CSMD3: variants seen among roughly 807,000 people sequenced by gnomAD.
CSMD3 encodes the protein CUB and Sushi multiple domains 3, also known as CUB and sushi domain-containing protein 3.
A neutral mutation model predicts 435.2 loss-of-function variants in CSMD3; 177 were observed. That is an observed-to-expected ratio of 0.41 (90% CI 0.36 to 0.46). The LOEUF (loss-of-function observed/expected upper bound fraction) is 0.46, where lower values mean the gene tolerates loss of function less well. Among genes scored for constraint, CSMD3 ranks in the 20% least tolerant of loss-of-function variants. The pLI, the probability that CSMD3 is intolerant of heterozygous loss-of-function variation, is 0.34. For missense variants in CSMD3, 4,265 were observed against 4,504.6 expected, an observed-to-expected ratio of 0.95 and a Z score of 1.52; for synonymous variants, 1,656 against 1,520.5, an observed-to-expected ratio of 1.09 and a Z score of -2.07.
intron 5 of CSMD3, among the ~76,000 whole-genome samples, chr8:113,032,461 T>C (rs956501054): frequency 6.6e-6 from 1 of 151,600 alleles, no homozygotes; most frequent in African/African-American, 2.4e-5. Context: ...TAGAGATTTA[T>C]GGAACTTTGA....
chr8:112,227,024 T>C (rs1024168308), intron 70 of CSMD3, among the ~76,000 whole-genome samples: 1 of 152,202 alleles, frequency 6.6e-6, no homozygotes, highest in African/African-American at 2.4e-5. Flanking sequence ...GGTTACTCAG[T>C]AAATTAAACA....
At chr8:112,609,516 A>C (rs1194762631) in intron 22 of CSMD3, among the ~76,000 whole-genome samples, 3 of 152,240 alleles carry the variant, frequency 2.0e-5, no homozygotes, top group Admixed American at 6.5e-5. Flanking sequence ...AAAAGATAAA[A>C]AATGTTGGCA....
intron 2 of CSMD3, among the ~76,000 whole-genome samples, chr8:113,302,496 G>T (rs960154971): frequency 6.6e-6 from 1 of 150,848 alleles, no homozygotes; most frequent in Admixed American, 6.7e-5. Context: ...TGAATTTGAA[G>T]AGTTAATCTA....
At chr8:112,663,853 A>G (rs1017833375) in intron 17 of CSMD3, among the ~76,000 whole-genome samples, 1 of 152,200 alleles carries the variant, frequency 6.6e-6, no homozygotes, top group Non-Finnish European at 1.5e-5. Context: ...AGTAATGTTG[A>G]GAGAGTGCAG....
chr8:112,693,420 G>A (rs746977280), intron 13 of CSMD3, among the ~76,000 whole-genome samples: 16 of 151,642 alleles, frequency 1.1e-4, no homozygotes, highest in Admixed American at 5.3e-4. Context: ...AATAATAGGG[G>A]GTAAGGTATA....
chr8:112,520,772 A>G (rs1280067053), intron 27 of CSMD3, among the ~76,000 whole-genome samples: 2 of 151,964 alleles, frequency 1.3e-5, no homozygotes, highest in East Asian at 3.9e-4. Context: ...TAAAGTAACT[A>G]CAATATGAAG....
intron 12 of CSMD3, among the ~76,000 whole-genome samples, chr8:112,813,040 G>T (rs1350758499): frequency 2.0e-5 from 3 of 152,120 alleles, no homozygotes; most frequent in Non-Finnish European, 4.4e-5. Flanking sequence ...CTTGTCACAC[G>T]ACCAGGAAAG....
At chr8:112,414,255 C>T (rs994105458) in intron 32 of CSMD3, among the ~76,000 whole-genome samples, 1 of 152,038 alleles carries the variant, frequency 6.6e-6, no homozygotes, top group Non-Finnish European at 1.5e-5. Context: ...AATTGTAATC[C>T]CAATAATCCC....
At chr8:113,435,088 T>C (rs1224166909) in intron 1 of CSMD3, among the ~76,000 whole-genome samples, 3 of 152,096 alleles carry the variant, frequency 2.0e-5, no homozygotes, top group African/African-American at 7.2e-5. Flanking sequence ...GCAGGCGAAC[T>C]AAGCATAAAT....
At chr8:113,382,261 T>C (rs909318315) in intron 1 of CSMD3, among the ~76,000 whole-genome samples, 1 of 152,188 alleles carries the variant, frequency 6.6e-6, no homozygotes, top group Non-Finnish European at 1.5e-5. Flanking sequence ...TTTCACAGCA[T>C]CCTCATTAGC....
intron 27 of CSMD3, among the ~76,000 whole-genome samples, chr8:112,535,046 T>C (rs1825925331): frequency 1.3e-5 from 2 of 152,308 alleles, no homozygotes; most frequent in South Asian, 4.2e-4. Flanking sequence ...TAATAAGAGC[T>C]GTCTATGACA....
chr8:113,425,009 T>C (rs936482540), intron 1 of CSMD3, among the ~76,000 whole-genome samples: 1 of 151,548 alleles, frequency 6.6e-6, no homozygotes, highest in Non-Finnish European at 1.5e-5. Flanking sequence ...GATGATGACT[T>C]CCTGTAGGAT....
At chr8:112,316,173 T>C (rs1211753433) in intron 47 of CSMD3, among the ~76,000 whole-genome samples, 1 of 151,792 alleles carries the variant, frequency 6.6e-6, no homozygotes, top group African/African-American at 2.4e-5. Flanking sequence ...GACTATATAA[T>C]AGAGTTTAAA....
intron 10 of CSMD3, among the ~76,000 whole-genome samples, chr8:112,885,258 C>A (rs532802139): frequency 0.01 from 1,575 of 151,562 alleles, 35 homozygotes; most frequent in African/African-American, 0.036. Flanking sequence ...TGCCAAGTAG[C>A]AGAATGACAG....
intron 38 of CSMD3, among the ~76,000 whole-genome samples, chr8:112,367,407 C>A (rs1165736470): frequency 1.3e-5 from 2 of 152,088 alleles, no homozygotes; most frequent in African/African-American, 4.8e-5. Context: ...ACAAAAAAGT[C>A]TAGGGAGTTG....
intron 38 of CSMD3, among the ~76,000 whole-genome samples, chr8:112,367,570 C>G (rs542998913): frequency 1.3e-5 from 2 of 152,160 alleles, no homozygotes; most frequent in African/African-American, 4.8e-5. Context: ...GGCCATAAAG[C>G]TTTTCAATTA....
At chr8:112,661,732 T>C (rs903048946) in intron 17 of CSMD3, among the ~76,000 whole-genome samples, 11 of 152,104 alleles carry the variant, frequency 7.2e-5, no homozygotes, top group African/African-American at 1.7e-4. Flanking sequence ...TAAAAGAAAA[T>C]GTTATTTTAA....
chr8:113,137,277 T>A (rs1480923743), intron 4 of CSMD3, among the ~76,000 whole-genome samples: 1 of 151,700 alleles, frequency 6.6e-6, no homozygotes, highest in Non-Finnish European at 1.5e-5. Flanking sequence ...TACCTGGTAT[T>A]GTCTAGAAAT....
chr8:113,356,879 T>C (rs1269972637), intron 1 of CSMD3, among the ~76,000 whole-genome samples: 1 of 152,114 alleles, frequency 6.6e-6, no homozygotes, highest in Non-Finnish European at 1.5e-5. Context: ...ATATGTTCCT[T>C]AAGTAATACA....
Sources: gnomAD v4.1 joint callset for allele counts (sites outside exome capture counted in the v4.1 genomes callset) on GRCh38, gnomAD v4.1.1 for gene constraint, MANE v1.5 for transcripts, NCBI Gene and HGNC (gene_info 2026-07-23, HGNC 2026-07-21) for gene names.